Variants in DACH1 observed in about 807,000 individuals in gnomAD.
DACH1 encodes dachshund family transcription factor 1, also known as dachshund homolog 1.
Under a neutral mutation model 54.2 loss-of-function variants are expected in DACH1, and 12 were observed. The observed-to-expected ratio is 0.22, with a 90% confidence interval of 0.14 to 0.36. The LOEUF is 0.36. Ranked by LOEUF, DACH1 falls within the 10% of genes least tolerant of loss-of-function variation. The pLI, the probability that DACH1 is intolerant of heterozygous loss-of-function variation, is 1.00. For synonymous variants in DACH1, 386 were observed against 366.2 expected (o/e 1.05, Z -0.62); for missense variants, 805 against 929.8 (o/e 0.87, Z 1.75).
At chr13:71,605,674 T>C (rs1363169354) in intron 3 of DACH1, among the ~76,000 whole-genome samples, 1 of 151,974 alleles carries the variant, frequency 6.6e-6, no homozygotes. Flanking sequence ...AAATATTTTA[T>C]GATATTGTGA....
chr13:71,777,845 G>A (rs1202942301), intron 1 of DACH1, among the ~76,000 whole-genome samples: 1 of 151,860 alleles, frequency 6.6e-6, no homozygotes, highest in Admixed American at 6.6e-5. Context: ...GGCCAGGTGT[G>A]GTGGCTCACA....
intron 6 of DACH1, among the ~76,000 whole-genome samples, chr13:71,549,209 A>G (rs1883649787): frequency 6.6e-6 from 1 of 152,140 alleles, no homozygotes; most frequent in Admixed American, 6.6e-5. Context: ...ATGATTGATA[A>G]ATCATTAAAT....
intron 3 of DACH1, among the ~76,000 whole-genome samples, chr13:71,616,945 G>A (rs1310339186): frequency 6.7e-6 from 1 of 149,758 alleles, no homozygotes; most frequent in African/African-American, 2.5e-5. Context: ...GCAATGGCGC[G>A]ATCTTGGCTC....
intron 6 of DACH1, among the ~76,000 whole-genome samples, chr13:71,515,609 A>G (rs1168065701): frequency 4.6e-5 from 7 of 151,926 alleles, no homozygotes; most frequent in Non-Finnish European, 1.0e-4. Flanking sequence ...CTGAGTCTTC[A>G]GGGACAAAAT....
intron 6 of DACH1, among the ~76,000 whole-genome samples, chr13:71,505,490 CTG>C (rs149178068): frequency 1.8e-4 from 27 of 151,492 alleles, no homozygotes; most frequent in African/African-American, 2.4e-5. Context: ...AAAGCAGATT[CTG>C]TGTGTGTGTG....
chr13:71,545,166 G>C (rs1328651632), intron 6 of DACH1, among the ~76,000 whole-genome samples: 1 of 152,032 alleles, frequency 6.6e-6, no homozygotes, highest in African/African-American at 2.4e-5. Context: ...GAAACTGAAG[G>C]TCACGGACAT....
chr13:71,803,437 C>T (rs1190887542), intron 1 of DACH1, among the ~76,000 whole-genome samples: 2 of 152,078 alleles, frequency 1.3e-5, no homozygotes, highest in Non-Finnish European at 2.9e-5. Context: ...CTTATATTTA[C>T]AAATTTTAAA....
intron 1 of DACH1, among the ~76,000 whole-genome samples, chr13:71,819,537 A>G (rs1888105284): frequency 6.6e-6 from 1 of 152,194 alleles, no homozygotes; most frequent in African/African-American, 2.4e-5. Flanking sequence ...TCATGGTATC[A>G]CATGGTATTT....
chr13:71,532,331 G>A (rs1325450184), intron 6 of DACH1, among the ~76,000 whole-genome samples: 1 of 151,708 alleles, frequency 6.6e-6, no homozygotes, highest in Non-Finnish European at 1.5e-5. Flanking sequence ...AGAAATACTA[G>A]GGAGAGGGAA....
At chr13:71,490,298 T>G (rs569703471) in intron 6 of DACH1, among the ~76,000 whole-genome samples, 2 of 152,300 alleles carry the variant, frequency 1.3e-5, no homozygotes, top group African/African-American at 4.8e-5. Context: ...CGTTTTCCAA[T>G]TACGTCTCTC....
At chr13:71,475,016 TTGACCTTG>T (rs1422710591) in intron 10 of DACH1, 117 bp downstream of exon 10, 1 of 766,904 alleles carries the variant, frequency 1.3e-6, no homozygotes, top group Non-Finnish European at 2.2e-6. Flanking sequence ...CAAGATGAAC[TTGACCTTG>T]TTTGAACTTG....
rs187603246 is a variant in DACH1, at chr13:71,784,430, C to T, written c.848+81492G>A. On this transcript the variant is annotated intron_variant, in intron 1 of 10. Transcript: ENST00000613252. ...AAGGCCAGAGTTTTGTAGAAAAATT[C>T]ATTATTTTCGCTCTGAATTGGTATA... 1.1e-4 allele frequency among the ~76,000 whole-genome samples: 17 copies of T among 152,132 alleles called. No homozygotes were observed. The East Asian group carries it at 3.3e-3, about 29-fold the overall frequency.
intron 1 of DACH1, among the ~76,000 whole-genome samples, chr13:71,685,478 G>A (rs1881113333): frequency 2.6e-5 from 4 of 152,058 alleles, no homozygotes; most frequent in Non-Finnish European, 1.5e-5. Context: ...TTTTGCCTAA[G>A]AACAGGACAA....
intron 2 of DACH1, among the ~76,000 whole-genome samples, chr13:71,666,398 T>G (rs1594071165): frequency 2.0e-5 from 3 of 152,190 alleles, no homozygotes; most frequent in Admixed American, 2.0e-4. Flanking sequence ...GTGGTCTGCA[T>G]CTGCAATATG....
intron 1 of DACH1, among the ~76,000 whole-genome samples, chr13:71,814,430 GATA>G (rs1359896868): frequency 6.6e-6 from 1 of 152,138 alleles, no homozygotes; most frequent in Non-Finnish European, 1.5e-5. Flanking sequence ...GGTATAAAGA[GATA>G]ATATTTTAAA....
At chr13:71,769,672 A>G (rs565633105) in intron 1 of DACH1, among the ~76,000 whole-genome samples, 1 of 151,788 alleles carries the variant, frequency 6.6e-6, no homozygotes, top group East Asian at 1.9e-4. Context: ...GTGAAAAAGT[A>G]CTCCTTATTC....
chr13:71,551,879 A>T lies in DACH1; in HGVS notation c.1570+5145T>A, dbSNP rs1275995922. ...GTGTCCTTCACTTTAGATTACCAGT[A>T]TGAAAAGTTTTTATACAAAGATGTT... On this transcript the variant is annotated intron_variant, in intron 6 of 10. Coordinates refer to ENST00000613252, the MANE Select transcript of DACH1 (RefSeq NM_080759.6). Among the ~76,000 whole-genome samples, 8 of 152,182 alleles carry T rather than the reference A, an allele frequency of 5.3e-5. No homozygotes were observed. The East Asian group carries it at 1.4e-3, about 26-fold the overall frequency.
chr13:71,749,263 T>C (rs1884814582), intron 1 of DACH1, among the ~76,000 whole-genome samples: 1 of 152,026 alleles, frequency 6.6e-6, no homozygotes. Flanking sequence ...GATTACAGAC[T>C]TGAGCCACTT....
chr13:71,839,635 A>C (rs79396442), intron 1 of DACH1, among the ~76,000 whole-genome samples: 1 of 152,028 alleles, frequency 6.6e-6, no homozygotes, highest in East Asian at 1.9e-4. Context: ...TAAAAATAAA[A>C]TTAAAAAAGG....
Sources: allele counts gnomAD v4.1 joint callset (sites outside exome capture counted in the v4.1 genomes callset), GRCh38; gene constraint gnomAD v4.1.1; transcripts MANE v1.5; gene names NCBI Gene and HGNC (gene_info 2026-07-23, HGNC 2026-07-21).